Variants in ALCAM observed in about 807,000 individuals in gnomAD.
ALCAM encodes the protein CD166 antigen.
ALCAM carries 30 observed loss-of-function variants against 70.9 expected under a neutral mutation model. The ratio of observed to expected loss-of-function variants is 0.42; its 90% confidence interval spans 0.32 to 0.57. The LOEUF is 0.57. Ranked by LOEUF, ALCAM falls within the 20% of genes least tolerant of loss-of-function variation. The pLI, the probability that ALCAM is intolerant of heterozygous loss-of-function variation, is 0.11. For synonymous variants in ALCAM, 249 were observed against 242.5 expected (o/e 1.03, Z -0.25); for missense variants, 591 against 695.1 (o/e 0.85, Z 1.68).
chr3:105,452,662 A>C (rs1361900640), intron 1 of ALCAM, among the ~76,000 whole-genome samples: 2 of 152,190 alleles, frequency 1.3e-5, no homozygotes, highest in East Asian at 1.9e-4. Flanking sequence ...TGTCTTCCAC[A>C]ATGGCTGAAC....
chr3:105,572,888 C>T (rs630141), intron 15 of ALCAM, among the ~76,000 whole-genome samples: 148,995 of 152,366 alleles, frequency 0.98, 72,926 homozygotes, highest in East Asian at 1. Flanking sequence ...TAACATTCAA[C>T]TATCATTTTA....
At chr3:105,541,897 G>GA (rs1391697418) in intron 8 of ALCAM, 132 bp downstream of exon 8, 1 of 1,133,342 alleles carries the variant, frequency 8.8e-7, no homozygotes, top group Non-Finnish European at 1.2e-6. Context: ...AGTAGAGAGA[G>GA]AAAGCATCGG....
chr3:105,467,812 C>T (rs1356041895), intron 1 of ALCAM, among the ~76,000 whole-genome samples: 1 of 151,146 alleles, frequency 6.6e-6, no homozygotes, highest in African/African-American at 2.4e-5. Context: ...TGAGGTATCT[C>T]ATTTTGCAAA....
intron 1 of ALCAM, among the ~76,000 whole-genome samples, chr3:105,470,629 G>A (rs1460507783): frequency 1.3e-5 from 2 of 151,186 alleles, no homozygotes; most frequent in Non-Finnish European, 3.0e-5. Flanking sequence ...GAAAAAGAGA[G>A]CGATAAACAG....
intron 6 of ALCAM, among the ~76,000 whole-genome samples, chr3:105,539,760 T>G (rs2152628803): frequency 6.6e-6 from 1 of 152,210 alleles, no homozygotes; most frequent in East Asian, 1.9e-4. Context: ...GAAATTGATT[T>G]TTATGTAACA....
At chr3:105,394,092 T>G (rs931435281) in intron 1 of ALCAM, among the ~76,000 whole-genome samples, 1 of 151,956 alleles carries the variant, frequency 6.6e-6, no homozygotes, top group African/African-American at 2.4e-5. Flanking sequence ...CTTTCACTAG[T>G]AGCCAAGTAC....
rs953855706 is a variant in ALCAM at position 105,576,135 on chromosome 3, A to G, written c.*1684A>G. Reference sequence around the variant, plus strand: ...TAAAATATTATGGGAAAAAAAGAAAATACGTTATTTTGCCTCTAAACTTTT... The same window carrying G: ...TAAAATATTATGGGAAAAAAAGAAAGTACGTTATTTTGCCTCTAAACTTTT... On this transcript the variant is annotated 3_prime_UTR_variant, in exon 16 of 16. Coordinates refer to ENST00000306107, the MANE Select transcript of ALCAM (RefSeq NM_001627.4). The G allele has an allele frequency of 6.6e-6, 1 of 152,570 alleles. No homozygotes were observed. Among genetic ancestry groups the G allele is most frequent in the Non-Finnish European group, 1.5e-5 (1 of 68,014 alleles). The allele number at this position is 152,570 out of a possible 1,614,324, so 9.5% of individuals were successfully genotyped here. A position where few individuals can be genotyped will look rare whatever the true frequency, so the allele number is the denominator to read the frequency against.
chr3:105,394,971 G>A (rs1935913841), intron 1 of ALCAM, among the ~76,000 whole-genome samples: 2 of 151,876 alleles, frequency 1.3e-5, no homozygotes. Context: ...TATAATTGGT[G>A]AAATAAAATG....
At chr3:105,410,774 T>C (rs1320588738) in intron 1 of ALCAM, among the ~76,000 whole-genome samples, 1 of 152,062 alleles carries the variant, frequency 6.6e-6, no homozygotes, top group Non-Finnish European at 1.5e-5. Flanking sequence ...GTTTGATGAA[T>C]GCAGTACTCT....
chr3:105,575,011 A>T lies in ALCAM; in HGVS notation c.*560A>T, dbSNP rs1940930915. On this transcript the variant is annotated 3_prime_UTR_variant, in exon 16 of 16. Coordinates refer to ENST00000306107, the MANE Select transcript of ALCAM (RefSeq NM_001627.4). ...AAAACTGTGATTTTTATCACAAGGGAGGGGAGGCCGAGAGTCAGACTGATA... is the reference window on the plus strand; with the variant it reads ...AAAACTGTGATTTTTATCACAAGGGTGGGGAGGCCGAGAGTCAGACTGATA... 1 of 152,418 alleles carries T rather than the reference A, an allele frequency of 6.6e-6. No homozygotes were observed. Among genetic ancestry groups the T allele is most frequent in the Non-Finnish European group, 1.5e-5 (1 of 68,020 alleles). The allele number at this position is 152,418 out of a possible 1,614,324, so 9.4% of individuals were successfully genotyped here. A position where few individuals can be genotyped will look rare whatever the true frequency, so the allele number is the denominator to read the frequency against.
chr3:105,558,016 G>A (rs1170808060), intron 14 of ALCAM, among the ~76,000 whole-genome samples: 5 of 152,040 alleles, frequency 3.3e-5, no homozygotes, highest in African/African-American at 1.2e-4. Flanking sequence ...TCCTCCTCTA[G>A]TTTTTCATTA....
chr3:105,496,881 A>G (rs1559811319), intron 1 of ALCAM, among the ~76,000 whole-genome samples: 1 of 150,562 alleles, frequency 6.6e-6, no homozygotes, highest in Non-Finnish European at 1.5e-5. Context: ...TGTGTGGTGG[A>G]ACGTACAGAA....
intron 14 of ALCAM, among the ~76,000 whole-genome samples, chr3:105,555,057 G>A (rs534186351): frequency 2.0e-5 from 3 of 152,008 alleles, no homozygotes; most frequent in Admixed American, 6.6e-5. Flanking sequence ...AAATAAATTT[G>A]TGTGTGTGTA....
At chr3:105,381,863 T>C (rs1935530143) in intron 1 of ALCAM, among the ~76,000 whole-genome samples, 1 of 151,670 alleles carries the variant, frequency 6.6e-6, no homozygotes, top group African/African-American at 2.4e-5. Flanking sequence ...GCCATCAGAG[T>C]GATGTAAGAT....
chr3:105,497,677 G>A (rs756690214), intron 1 of ALCAM, among the ~76,000 whole-genome samples: 2 of 152,082 alleles, frequency 1.3e-5, no homozygotes, highest in Admixed American at 6.5e-5. Context: ...GCATTTAGAA[G>A]ATATAGTCAC....
chr3:105,427,539 A>C (rs1409237487), intron 1 of ALCAM, among the ~76,000 whole-genome samples: 2 of 151,928 alleles, frequency 1.3e-5, no homozygotes, highest in Non-Finnish European at 2.9e-5. Context: ...ATCTGAAGAC[A>C]GGAAGCTCTA....
intron 1 of ALCAM, among the ~76,000 whole-genome samples, chr3:105,431,439 G>T (rs1936930605): frequency 6.6e-6 from 1 of 152,090 alleles, no homozygotes. Flanking sequence ...TCATGAAGCA[G>T]GACAGCCTGA....
intron 1 of ALCAM, among the ~76,000 whole-genome samples, chr3:105,424,914 A>G (rs1162511899): frequency 2.0e-5 from 3 of 151,806 alleles, no homozygotes; most frequent in African/African-American, 7.3e-5. Context: ...ATAAATCAAA[A>G]TGGAATACAT....
chr3:105,541,012 TTG>T (rs1320989254), intron 7 of ALCAM, among the ~76,000 whole-genome samples: 4 of 152,032 alleles, frequency 2.6e-5, no homozygotes, highest in Non-Finnish European at 4.4e-5. Context: ...AGAGCCAAAT[TTG>T]TGTCTCAGTT....
Sources: allele counts gnomAD v4.1 joint callset (sites outside exome capture counted in the v4.1 genomes callset), GRCh38; gene constraint gnomAD v4.1.1; transcripts MANE v1.5; gene names NCBI Gene and HGNC (gene_info 2026-07-23, HGNC 2026-07-21).